Variants in KDM5B observed in about 807,000 individuals in gnomAD.
KDM5B encodes lysine demethylase 5B.
A neutral mutation model predicts 193.4 loss-of-function variants in KDM5B; 144 were observed. The observed-to-expected ratio is 0.74, with a 90% CI of 0.65 to 0.86. KDM5B has a LOEUF of 0.86. KDM5B is among the 40% of genes least tolerant of loss of function. The pLI, the probability that KDM5B is intolerant of heterozygous loss-of-function variation, is 0.00. For synonymous variants in KDM5B, 668 were observed against 682.6 expected, an observed-to-expected ratio of 0.98 and a Z score of 0.33; for missense variants, 1,833 against 1,886.9, an observed-to-expected ratio of 0.97 and a Z score of 0.53.
In KDM5B at chr1:202,733,792, T is replaced by A; in HGVS notation, c.3518A>T (p.Asp1173Val). The stretch of plus-strand genomic sequence containing the variant: ...ACATAGGCAGATTTTTATATCCACA[T>A]CTTGGAGAGGCGACAGCAATTTCCC... Reference protein sequence around the residue: ...NEGKLLSPLQDVDIKICLCQK... With the variant: ...NEGKLLSPLQVVDIKICLCQK... Residue 1173 changes from aspartate to valine, a missense_variant, in exon 23 of 27, where the codon GAT becomes GTT. Asp to Val is a radical substitution (Grantham distance 152). Coordinates refer to ENST00000367265, the MANE Select transcript of KDM5B (RefSeq NM_006618.5). The A allele has an allele frequency of 1.9e-6, 3 of 1,614,116 alleles. No individual in the cohort carries two copies. The highest frequency in any genetic ancestry group is 2.5e-6 in the Non-Finnish European group (3 of 1,180,012).
At position 202,724,874 on chromosome 1, in the gene KDM5B, A is replaced by C. The variant is rs544625758; in HGVS notation, c.*4162T>G. On this transcript the variant is annotated 3_prime_UTR_variant, in exon 27 of 27. Coordinates refer to ENST00000367265, the MANE Select transcript of KDM5B (RefSeq NM_006618.5). The stretch of plus-strand genomic sequence containing the variant: ...AGCTAGGTAAGTTTGCCAGGAGCTA[A>C]AAGTTTTGGTGTTTAGAGGGGTGCC... 6.6e-6 allele frequency: 1 copy of C among 152,194 alleles called. No homozygotes were observed. Among genetic ancestry groups the C allele is most frequent in the African/African-American group, 2.4e-5 (1 of 41,454 alleles). 9.4% of individuals were successfully genotyped at this position (152,194 alleles called of 1,614,324 possible).
At chr1:202,797,133 C>T (rs558414239) in intron 1 of KDM5B, 1 of 152,352 alleles carries the variant, frequency 6.6e-6, no homozygotes, top group East Asian at 1.9e-4. Context: ...CCCATCTCTC[C>T]AACAGATGGG....
At position 202,769,668 on chromosome 1, in the gene KDM5B, C is replaced by CAA. The variant is rs71142553; in HGVS notation, c.577-2610_577-2609dup. ...TGGGTGACACAGCAAGACTCTGTCT[C>CAA]AAAAAAAAAAAAAAAAAAAAAAAAA... On this transcript the variant is annotated intron_variant, in intron 4 of 26. Coordinates refer to ENST00000367265, the MANE Select transcript of KDM5B (RefSeq NM_006618.5). Among the ~76,000 whole-genome samples the CAA allele has an allele frequency of 1.9e-3, 105 of 55,914 alleles. 3 individuals carry two copies. Among genetic ancestry groups the CAA allele is most frequent in the African/African-American group, 3.9e-3 (44 of 11,420 alleles). 36.7% of individuals were successfully genotyped at this position (55,914 alleles called of 152,430 possible).
rs1172817324 is a variant in KDM5B, at chr1:202,766,988, G to A, written c.649C>T (p.Gln217Ter). ...EYKPHDIPQRQSVQPSETCPP... is the reference protein window; with the variant it reads ...EYKPHDIPQR ...CACGTTTCCGAAGGCTGCACAGACT[G>A]CCTCTGGGGAATATCATGGGGTTTG... Residue 217 changes from glutamine to a stop codon, truncating the protein, a stop_gained, in exon 5 of 27, where the codon CAG becomes TAG. Transcript: ENST00000367265. LOFTEE classifies it high-confidence loss of function. 1 of 1,595,278 alleles carries A rather than the reference G, an allele frequency of 6.3e-7. No homozygotes were observed. Among genetic ancestry groups the A allele is most frequent in the Non-Finnish European group, 8.5e-7 (1 of 1,175,664 alleles).
rs896107953 is a variant in KDM5B, at chr1:202,725,769, C to T, written c.*3267G>A. ...CTCTGGCTTAATGCTTTACAATGGG[C>T]AATGACTCTTAAAATCCTTGTTGTC... On this transcript the variant is annotated 3_prime_UTR_variant, in exon 27 of 27. Transcript: ENST00000367265. 6.6e-6 allele frequency: 1 copy of T among 152,204 alleles called. No individual in the cohort carries two copies. The highest frequency in any genetic ancestry group is 2.4e-5 in the African/African-American group (1 of 41,440). 9.4% of individuals were successfully genotyped at this position (152,204 alleles called of 1,614,324 possible).
intron 4 of KDM5B, among the ~76,000 whole-genome samples, chr1:202,771,019 T>C (rs987784032): frequency 1.3e-5 from 2 of 152,182 alleles, no homozygotes; most frequent in African/African-American, 2.4e-5. Flanking sequence ...TTTTTAAGTA[T>C]ATAAGTGACA....
chr1:202,803,841 A>G lies in KDM5B; in HGVS notation c.204+4261T>C, dbSNP rs1007104100. Among the ~76,000 whole-genome samples the G allele has an allele frequency of 6.6e-4, 99 of 148,924 alleles. 6 individuals are homozygous for G. Among genetic ancestry groups the G allele is most frequent in the Non-Finnish European group, 8.9e-5 (6 of 67,604 alleles). On this transcript the variant is annotated intron_variant, in intron 1 of 26. Transcript: ENST00000367265. ...TCCATCTCAAAAAAAAAAGGTAGAC[A>G]TTTGTGGCCTAGAACTGTAGGACTT...
intron 14 of KDM5B, among the ~76,000 whole-genome samples, chr1:202,748,094 T>C (rs575881884): frequency 2.0e-5 from 3 of 152,242 alleles, no homozygotes; most frequent in Admixed American, 1.3e-4. Flanking sequence ...AGTCCAGAAA[T>C]AGACCCATAC....
chr1:202,770,718 C>CAGT (rs1277891256), intron 4 of KDM5B, among the ~76,000 whole-genome samples: 5 of 152,162 alleles, frequency 3.3e-5, no homozygotes, highest in African/African-American at 1.2e-4. Flanking sequence ...TGTATATGAA[C>CAGT]AGTACACTTG....
intron 9 of KDM5B, among the ~76,000 whole-genome samples, chr1:202,757,081 G>A (rs1184612182): frequency 2.5e-5 from 3 of 122,152 alleles, no homozygotes; most frequent in South Asian, 2.8e-4. Flanking sequence ...AGGGCAGGGC[G>A]CAAGGGCTGG....
At chr1:202,781,326 G>A (rs1303616434) in intron 1 of KDM5B, among the ~76,000 whole-genome samples, 1 of 152,164 alleles carries the variant, frequency 6.6e-6, no homozygotes, top group Non-Finnish European at 1.5e-5. Context: ...ATGAAATTTT[G>A]TTTTGTTTTA....
intron 1 of KDM5B, among the ~76,000 whole-genome samples, chr1:202,799,382 G>A (rs1040410481): frequency 2.0e-5 from 3 of 152,034 alleles, no homozygotes; most frequent in East Asian, 1.9e-4. Flanking sequence ...ACCCGGGCGC[G>A]GTGGCTCGCG....
intron 1 of KDM5B, among the ~76,000 whole-genome samples, chr1:202,789,870 G>C (rs1394580526): frequency 6.6e-6 from 1 of 152,062 alleles, no homozygotes; most frequent in African/African-American, 2.4e-5. Context: ...ATCTACTGCA[G>C]TGAGCTATGG....
intron 25 of KDM5B, 114 bp from the exon 26 acceptor site, chr1:202,730,141 G>A (rs1654830148): frequency 3.1e-6 from 3 of 954,296 alleles, no homozygotes; most frequent in Non-Finnish European, 4.6e-6. Context: ...AATCTACACG[G>A]GAAAAAAATA....
At chr1:202,792,016 C>T (rs1243910592) in intron 1 of KDM5B, among the ~76,000 whole-genome samples, 1 of 152,106 alleles carries the variant, frequency 6.6e-6, no homozygotes, top group East Asian at 1.9e-4. Context: ...ACACAATGCA[C>T]TTACTGACAT....
At chr1:202,756,616 A>C (rs1367595347) in intron 9 of KDM5B, 100 bp from the exon 10 acceptor site, 8 of 880,116 alleles carry the variant, frequency 9.1e-6, no homozygotes, top group Admixed American at 3.3e-5. Context: ...CTAAGGAAAA[A>C]TTGTGTCTAT....
chr1:202,729,645 C>G (rs1003194440), intron 26 of KDM5B, 62 bp downstream of exon 26: 47 of 1,445,196 alleles, frequency 3.3e-5, no homozygotes, highest in African/African-American at 4.2e-5. Flanking sequence ...GAGATGAGGT[C>G]TAGCTTACAG....
chr1:202,763,078 T>G (rs1656316118), intron 6 of KDM5B, among the ~76,000 whole-genome samples: 1 of 152,216 alleles, frequency 6.6e-6, no homozygotes, highest in African/African-American at 2.4e-5. Flanking sequence ...GGAATTAGTT[T>G]TCTCAAGACC....
rs545409783 is a variant in KDM5B at position 202,740,271 on chromosome 1, G to A, written c.3084+403C>T. Among the ~76,000 whole-genome samples the A allele has an allele frequency of 7.5e-3, 1,043 of 139,738 alleles. 15 individuals are homozygous for A. The highest frequency in any genetic ancestry group is 0.012 in the South Asian group (50 of 4,220). 91.7% of individuals were successfully genotyped at this position (139,738 alleles called of 152,430 possible). A position where few individuals can be genotyped will look rare whatever the true frequency, so the allele number is the denominator to read the frequency against. On this transcript the variant is annotated intron_variant, in intron 20 of 26. Transcript: ENST00000367265. The stretch of plus-strand genomic sequence containing the variant: ...TCCCTCCCGGACGGGGCGGCTGGCC[G>A]GGCAGAGGGGCTCCTCACTTTCCAG...
Sources: gnomAD v4.1 joint callset for allele counts (sites outside exome capture counted in the v4.1 genomes callset) on GRCh38, gnomAD v4.1.1 for gene constraint, MANE v1.5 for transcripts, NCBI Gene and HGNC (gene_info 2026-07-23, HGNC 2026-07-21) for gene names.